IMPA1: variants seen among roughly 807,000 people sequenced by gnomAD.
IMPA1 encodes the protein inositol monophosphatase 1.
IMPA1 carries 21 observed loss-of-function variants against 34.9 expected under a neutral mutation model. The ratio of observed to expected loss-of-function variants is 0.60; its 90% CI spans 0.43 to 0.87. The LOEUF (loss-of-function observed/expected upper bound fraction) is 0.87. Ranked by LOEUF, IMPA1 falls within the 40% of genes least tolerant of loss-of-function variation. The pLI, the probability that IMPA1 is intolerant of heterozygous loss-of-function variation, is 0.00. For synonymous variants in IMPA1, 95 were observed against 104.4 expected, an observed-to-expected ratio of 0.91 and a Z score of 0.55; for missense variants, 299 against 336.4, an observed-to-expected ratio of 0.89 and a Z score of 0.87.
At chr8:81,676,854 G>C (rs189135685) in intron 4 of IMPA1, among the ~76,000 whole-genome samples, 1 of 152,044 alleles carries the variant, frequency 6.6e-6, no homozygotes, top group Admixed American at 6.5e-5. Context: ...TTATCTGAGT[G>C]TGGCGGTGCA....
chr8:81,674,031 G>A, intron 5 of IMPA1, 82 bp from the exon 6 acceptor site: 1 of 796,284 alleles, frequency 1.3e-6, no homozygotes, highest in Non-Finnish European at 2.2e-6. Context: ...AGACAATCTG[G>A]TATACTGACT....
In IMPA1 at chr8:81,658,415, C is replaced by G. The variant is rs1329952619; in HGVS notation, c.*936G>C. ...AATAAACAGTTCAATATTAACAATA[C>G]AGTATATTTGCCAGCACAATCAAAT... On this transcript the variant is annotated 3_prime_UTR_variant, in exon 9 of 9. Transcript: ENST00000256108. 3 of 152,116 alleles carry G rather than the reference C, an allele frequency of 2.0e-5. No homozygotes were observed. Among genetic ancestry groups the G allele is most frequent in the African/African-American group, 7.2e-5 (3 of 41,406 alleles). The allele number at this position is 152,116 out of a possible 1,614,324, so 9.4% of individuals were successfully genotyped here.
chr8:81,659,337 T>C lies in IMPA1; in HGVS notation c.*14A>G, dbSNP rs1205955308. 2.8e-6 allele frequency: 4 copies of C among 1,438,104 alleles called. No homozygotes were observed. Among genetic ancestry groups the C allele is most frequent in the Non-Finnish European group, 2.9e-6 (3 of 1,019,852 alleles). 89.1% of individuals were successfully genotyped at this position (1,438,104 alleles called of 1,614,324 possible). On this transcript the variant is annotated 3_prime_UTR_variant, in exon 9 of 9. Coordinates refer to ENST00000256108, the MANE Select transcript of IMPA1 (RefSeq NM_005536.4). ...GGGGAAAAGCAACTGGGATTGACTA[T>C]GAGGCTGCCTTAATTAATCTTCGTC...
intron 6 of IMPA1, among the ~76,000 whole-genome samples, chr8:81,671,720 A>AC (rs1257029239): frequency 6.6e-6 from 1 of 151,608 alleles, no homozygotes; most frequent in Non-Finnish European, 1.5e-5. Flanking sequence ...ACATGGTGAA[A>AC]CCCCATCTCT....
At chr8:81,678,233 G>A (rs543127914) in intron 4 of IMPA1, among the ~76,000 whole-genome samples, 1 of 151,388 alleles carries the variant, frequency 6.6e-6, no homozygotes, top group South Asian at 2.1e-4. Flanking sequence ...CCTAAGGGCT[G>A]AGGAGAGGGG....
At position 81,671,018 on chromosome 8, in the gene IMPA1, A is replaced by T; in HGVS notation, c.487T>A (p.Leu163Met). The T allele has an allele frequency of 6.6e-7, 1 of 1,525,866 alleles. No individual in the cohort carries two copies. Among genetic ancestry groups the T allele is most frequent in the Non-Finnish European group, 8.7e-7 (1 of 1,148,030 alleles). The allele number at this position is 1,525,866 out of a possible 1,614,324, so 94.5% of individuals were successfully genotyped here. ...GTCTCTGGTGTTCTGGAAGAGCCCA[A>T]CTCAGTCACCAAGAGAGATTTGGTA... ...DITKSLLVTE[L>M]GSSRTPETVR... is the part of the protein sequence containing the mutation. The change falls in exon 7 of 9, where the codon TTG becomes ATG. Residue 163 changes from leucine (L) to methionine (M), a missense_variant. Physicochemically the swap from Leu to Met is conservative, Grantham distance 15. Coordinates refer to ENST00000256108, the MANE Select transcript of IMPA1 (RefSeq NM_005536.4).
intron 5 of IMPA1, chr8:81,674,361 C>T (rs888873430): frequency 2.7e-5 from 5 of 182,600 alleles, no homozygotes; most frequent in African/African-American, 1.2e-4. Context: ...CCTTACAAAA[C>T]CTTTGAAATG....
intron 7 of IMPA1, among the ~76,000 whole-genome samples, chr8:81,666,144 G>A (rs995132353): frequency 2.2e-4 from 33 of 152,182 alleles, no homozygotes; most frequent in African/African-American, 7.5e-4. Flanking sequence ...AGAGAGAAAA[G>A]GGGAATGGGA....
At chr8:81,678,295 A>G (rs954027817) in intron 4 of IMPA1, among the ~76,000 whole-genome samples, 39 of 152,078 alleles carry the variant, frequency 2.6e-4, no homozygotes, top group African/African-American at 8.4e-4. Context: ...AACTCATTCT[A>G]TATCGACAGC....
intron 2 of IMPA1, 51 bp downstream of exon 2, chr8:81,681,447 C>T (rs368308659): frequency 7.8e-5 from 78 of 1,003,080 alleles, no homozygotes; most frequent in Middle Eastern, 3.1e-4. Context: ...ACACAGTATA[C>T]CCACCAATCA....
At position 81,679,863 on chromosome 8, in the gene IMPA1, G is replaced by A. The variant is rs115151237; in HGVS notation, c.198-633C>T. On this transcript the variant is annotated intron_variant, in intron 3 of 8. Coordinates refer to ENST00000256108, the MANE Select transcript of IMPA1 (RefSeq NM_005536.4). The stretch of plus-strand genomic sequence containing the variant: ...ATGATTTTAAAAATAGGGGCCAGGT[G>A]TGGTGGCTCAGGTCTGTAATCCTAA... Among the ~76,000 whole-genome samples the A allele has an allele frequency of 8.3e-3, 1,268 of 152,232 alleles. 18 individuals carry two copies. The highest frequency in any genetic ancestry group is 0.029 in the African/African-American group (1,197 of 41,534).
intron 7 of IMPA1, among the ~76,000 whole-genome samples, chr8:81,665,214 C>T (rs979518441): frequency 6.6e-6 from 1 of 151,792 alleles, no homozygotes; most frequent in Non-Finnish European, 1.5e-5. Context: ...CAATCGAATC[C>T]GAATTAAATA....
intron 1 of IMPA1, among the ~76,000 whole-genome samples, chr8:81,684,724 T>C (rs938127837): frequency 3.5e-5 from 5 of 143,478 alleles, no homozygotes; most frequent in Admixed American, 7.1e-5. Flanking sequence ...ATTTAGATAC[T>C]ATGTGGAGTA....
At chr8:81,665,389 T>C (rs112321352) in intron 7 of IMPA1, among the ~76,000 whole-genome samples, 3,872 of 151,730 alleles carry the variant, frequency 0.026, 159 homozygotes, top group African/African-American at 0.09. Flanking sequence ...GAAGAATAAA[T>C]TACAAGGTGC....
At chr8:81,681,354 C>T (rs1225071021) in intron 2 of IMPA1, 144 bp downstream of exon 2, 1 of 603,710 alleles carries the variant, frequency 1.7e-6, no homozygotes, top group Non-Finnish European at 2.9e-6. Flanking sequence ...AGCCATGTTC[C>T]TGCCACTACA....
At chr8:81,666,291 A>G (rs530114573) in intron 7 of IMPA1, among the ~76,000 whole-genome samples, 1 of 152,286 alleles carries the variant, frequency 6.6e-6, no homozygotes, top group South Asian at 2.1e-4. Flanking sequence ...TATAAATACA[A>G]AAATAAATTT....
intron 8 of IMPA1, among the ~76,000 whole-genome samples, chr8:81,660,273 AG>A: frequency 6.6e-6 from 1 of 152,314 alleles, no homozygotes; most frequent in African/African-American, 2.4e-5. Context: ...ACAGCCTTTC[AG>A]GAGTACCTGA....
At chr8:81,680,273 G>C (rs1302113546) in intron 3 of IMPA1, among the ~76,000 whole-genome samples, 9 of 152,174 alleles carry the variant, frequency 5.9e-5, no homozygotes, top group Admixed American at 5.9e-4. Flanking sequence ...CAAAACTTTG[G>C]AGACTAGTTC....
Position 81,658,416 on chromosome 8 carries a change from A to G in IMPA1, c.*935T>C, listed in dbSNP as rs959397409. On this transcript the variant is annotated 3_prime_UTR_variant, in exon 9 of 9. Transcript: ENST00000256108. ...ATAAACAGTTCAATATTAACAATAC[A>G]GTATATTTGCCAGCACAATCAAATC... The G allele has an allele frequency of 2.6e-5, 4 of 152,290 alleles. No homozygotes were observed. The highest frequency in any genetic ancestry group is 9.6e-5 in the African/African-American group (4 of 41,464). 9.4% of individuals were successfully genotyped at this position (152,290 alleles called of 1,614,324 possible). A position where few individuals can be genotyped will look rare whatever the true frequency, so the allele number is the denominator to read the frequency against.
Sources: gnomAD v4.1 joint callset for allele counts (sites outside exome capture counted in the v4.1 genomes callset) on GRCh38, gnomAD v4.1.1 for gene constraint, MANE v1.5 for transcripts, NCBI Gene and HGNC (gene_info 2026-07-23, HGNC 2026-07-21) for gene names.